Variants in SDK1 observed in about 807,000 individuals in gnomAD.
SDK1 encodes the protein sidekick cell adhesion molecule 1.
SDK1 carries 157 observed loss-of-function variants against 245.5 expected under a neutral mutation model. The observed-to-expected ratio is 0.64, with a 90% CI of 0.56 to 0.73. The LOEUF (loss-of-function observed/expected upper bound fraction) is 0.73, where lower values mean the gene tolerates loss of function less well. Among genes scored for constraint, SDK1 ranks in the 30% least tolerant of loss-of-function variants. The pLI, the probability that SDK1 is intolerant of heterozygous loss-of-function variation, is 0.00. For synonymous variants in SDK1, 1,647 were observed against 1,278.5 expected (o/e 1.29, Z -6.15); for missense variants, 3,583 against 3,002.3 (o/e 1.19, Z -4.52).
At chr7:4,102,693 C>T (rs1193647122) in intron 22 of SDK1, among the ~76,000 whole-genome samples, 1 of 152,128 alleles carries the variant, frequency 6.6e-6, no homozygotes, top group Non-Finnish European at 1.5e-5. Context: ...CACCAGTTTC[C>T]ACCAGTTTTT....
At chr7:3,966,047 G>C (rs576065262) in intron 9 of SDK1, among the ~76,000 whole-genome samples, 1 of 152,122 alleles carries the variant, frequency 6.6e-6, no homozygotes, top group South Asian at 2.1e-4. Context: ...AGCAAGCAGA[G>C]AAGGGACATG....
At chr7:3,641,760 G>T (rs1361093455) in intron 3 of SDK1, among the ~76,000 whole-genome samples, 198 bp from the exon 4 acceptor site, 1 of 152,234 alleles carries the variant, frequency 6.6e-6, no homozygotes, top group East Asian at 1.9e-4. Context: ...GGGCGCTTTG[G>T]AGGCGCGTGG....
At chr7:3,339,574 C>G (rs560656813) in intron 1 of SDK1, among the ~76,000 whole-genome samples, 3 of 152,134 alleles carry the variant, frequency 2.0e-5, no homozygotes, top group Non-Finnish European at 2.9e-5. Flanking sequence ...AGAATTTGTT[C>G]TGTGGCAATA....
chr7:3,689,020 G>A (rs1784368188), intron 4 of SDK1, among the ~76,000 whole-genome samples: 1 of 152,152 alleles, frequency 6.6e-6, no homozygotes, highest in African/African-American at 2.4e-5. Flanking sequence ...TTGCGTTCCT[G>A]TAAATAAAGT....
intron 32 of SDK1, among the ~76,000 whole-genome samples, chr7:4,162,615 A>G (rs900922730): frequency 1.3e-5 from 2 of 151,852 alleles, no homozygotes; most frequent in Non-Finnish European, 2.9e-5. Flanking sequence ...GACCAGGCTG[A>G]TCTTGAACTC....
chr7:3,721,135 A>T (rs1301291526), intron 4 of SDK1, among the ~76,000 whole-genome samples: 3 of 152,326 alleles, frequency 2.0e-5, no homozygotes. Flanking sequence ...GGTGGGGCTT[A>T]AAAAGGGAGC....
At chr7:3,638,866 G>C in intron 2 of SDK1, 138 bp from the exon 3 acceptor site, 1 of 432,642 alleles carries the variant, frequency 2.3e-6, no homozygotes, top group Non-Finnish European at 4.2e-6. Flanking sequence ...ACAGATACTA[G>C]GTTACCAAAA....
chr7:3,505,583 A>G (rs1782367634), intron 1 of SDK1, among the ~76,000 whole-genome samples: 1 of 152,164 alleles, frequency 6.6e-6, no homozygotes, highest in South Asian at 2.1e-4. Flanking sequence ...CTTCACATAA[A>G]ATATAGTATG....
intron 1 of SDK1, among the ~76,000 whole-genome samples, chr7:3,490,895 C>G (rs1209122839): frequency 1.3e-5 from 2 of 152,184 alleles, no homozygotes; most frequent in Non-Finnish European, 2.9e-5. Context: ...GATAGATTTT[C>G]CTTGCCCTCC....
intron 1 of SDK1, among the ~76,000 whole-genome samples, chr7:3,382,394 C>T (rs1019902217): frequency 5.3e-5 from 8 of 152,116 alleles, no homozygotes; most frequent in Non-Finnish European, 1.0e-4. Context: ...GTGGTGGTGC[C>T]AGCTGCTGTT....
intron 30 of SDK1, among the ~76,000 whole-genome samples, 157 bp from the exon 31 acceptor site, chr7:4,158,291 A>G (rs1395923960): frequency 6.6e-6 from 1 of 152,198 alleles, no homozygotes; most frequent in Non-Finnish European, 1.5e-5. Context: ...CGACCCAAGA[A>G]CAGCCTCCTT....
intron 14 of SDK1, among the ~76,000 whole-genome samples, chr7:4,008,364 G>A (rs1785662143): frequency 6.6e-6 from 1 of 152,248 alleles, no homozygotes; most frequent in African/African-American, 2.4e-5. Context: ...AAGATTCTTA[G>A]CAAAGCAATT....
intron 4 of SDK1, among the ~76,000 whole-genome samples, chr7:3,794,633 C>T (rs1583420605): frequency 6.6e-6 from 1 of 152,182 alleles, no homozygotes; most frequent in African/African-American, 2.4e-5. Context: ...AGGCCCTCTA[C>T]TGCCTGGATT....
At chr7:3,565,629 A>T (rs1166688200) in intron 1 of SDK1, among the ~76,000 whole-genome samples, 2 of 152,188 alleles carry the variant, frequency 1.3e-5, no homozygotes, top group Non-Finnish European at 2.9e-5. Context: ...GTGGTTCTGG[A>T]ACCTCCCTCA....
Position 3,774,510 on chromosome 7 carries a change from T to C in SDK1, c.714-46940T>C, listed in dbSNP as rs1421887846. Reference sequence around the variant, plus strand: ...GGGCATGGGATAGGTAGCTCTATTATGCCAAGAGCTGAAATTAACTGAAAA... The same window carrying C: ...GGGCATGGGATAGGTAGCTCTATTACGCCAAGAGCTGAAATTAACTGAAAA... On this transcript the variant is annotated intron_variant, in intron 4 of 44. Transcript: ENST00000404826. Among the ~76,000 whole-genome samples the C allele has an allele frequency of 2.6e-5, 4 of 152,318 alleles. No individual in the cohort carries two copies. In the East Asian group the frequency reaches 7.7e-4, roughly 29 times the overall value.
At position 3,892,577 on chromosome 7, in the gene SDK1, T is replaced by C. The variant is rs76486797; in HGVS notation, c.848-58346T>C. Among the ~76,000 whole-genome samples the C allele has an allele frequency of 5.8e-3, 890 of 152,310 alleles. 11 individuals carry two copies. Among genetic ancestry groups the C allele is most frequent in the African/African-American group, 0.02 (847 of 41,574 alleles). ...GAGGAGAGGGCAGAGACAAATCATT[T>C]TGAACAAGTGATACAGTCTCTCACA... On this transcript the variant is annotated intron_variant, in intron 5 of 44. Coordinates refer to ENST00000404826, the MANE Select transcript of SDK1 (RefSeq NM_152744.4).
chr7:3,705,427 TTTTATTTTA>T (rs1784856270), intron 4 of SDK1, among the ~76,000 whole-genome samples: 1 of 34,540 alleles, frequency 2.9e-5, no homozygotes, highest in Admixed American at 3.6e-4. Flanking sequence ...TTCCTAGTGA[TTTTATTTTA>T]TTTTATTTTA....
At chr7:4,178,608 C>T (rs1428315745) in intron 35 of SDK1, 22 bp downstream of exon 35, 1 of 1,564,724 alleles carries the variant, frequency 6.4e-7, no homozygotes. Flanking sequence ...GCACCCCCAA[C>T]CCCACTGCCA....
Position 4,238,089 on chromosome 7 carries a change from C to CTT in SDK1, c.6130+317_6130+318dup, listed in dbSNP as rs67172945. The stretch of plus-strand genomic sequence containing the variant: ...CTGTACCTTTGTTCAAATGCAATTG[C>CTT]TTTTTTTTTTTTTACAGTCTCACTC... On this transcript the variant is annotated intron_variant, in intron 42 of 44. Transcript: ENST00000404826. 1.1e-3 allele frequency among the ~76,000 whole-genome samples: 154 copies of CTT among 146,442 alleles called. 2 individuals carry two copies. The South Asian group carries it at 0.012, about 12-fold the overall frequency.
Sources: gnomAD v4.1 joint callset for allele counts (sites outside exome capture counted in the v4.1 genomes callset) on GRCh38, gnomAD v4.1.1 for gene constraint, MANE v1.5 for transcripts, NCBI Gene and HGNC (gene_info 2026-07-23, HGNC 2026-07-21) for gene names.